Variants in CFAP47 observed in about 807,000 individuals in gnomAD.
The protein encoded by CFAP47 is cilia- and flagella-associated protein 47.
In CFAP47, 29 loss-of-function variants were observed where a neutral mutation model predicts 148.1. The observed-to-expected ratio is 0.20, with a 90% CI of 0.15 to 0.27. The LOEUF (loss-of-function observed/expected upper bound fraction) is 0.27, where lower values mean the gene tolerates loss of function less well. Ranked by LOEUF, CFAP47 falls within the 10% of genes least tolerant of loss-of-function variation. The pLI is 1.00. For synonymous variants in CFAP47, 664 were observed against 577.3 expected (o/e 1.15, Z -2.15); for missense variants, 1,872 against 1,697.5 (o/e 1.10, Z -1.81).
chrX:36,002,377 A>G (rs760727037), intron 21 of CFAP47, among the ~76,000 whole-genome samples: 19 of 111,134 alleles, frequency 1.7e-4, no homozygotes, highest in African/African-American at 5.9e-4. Context: ...ACCTGAGGTC[A>G]GGAGTTTGAG....
At chrX:36,312,905 T>G (rs1221330665) in intron 56 of CFAP47, among the ~76,000 whole-genome samples, 1 of 111,248 alleles carries the variant, frequency 9.0e-6, no homozygotes, top group Non-Finnish European at 1.9e-5. Flanking sequence ...TTGTTTCTCT[T>G]TCTCTGTCTC....
rs186552024 is a variant in CFAP47 at position 36,311,872 on chromosome X, C to T, written c.8344+883C>T. 7.2e-5 allele frequency among the ~76,000 whole-genome samples: 8 copies of T among 110,756 alleles called. No individual in the cohort carries two copies. The East Asian group carries it at 1.7e-3, about 23-fold the overall frequency. The stretch of plus-strand genomic sequence containing the variant: ...ATGTTGAAGCTGAACATGTCATTTA[C>T]CTGTTGCACTTTGGTGCTTTTCTAT... On this transcript the variant is annotated intron_variant, in intron 56 of 63. Coordinates refer to ENST00000378653, the MANE Select transcript of CFAP47 (RefSeq NM_001304548.2).
intron 15 of CFAP47, chrX:35,985,854 G>A (rs758499128): frequency 4.0e-6 from 1 of 252,194 alleles, no homozygotes; most frequent in South Asian, 4.5e-5. Flanking sequence ...AAACCCTCGG[G>A]GCTCTACACA....
At chrX:36,365,515 G>A (rs1602128577) in intron 61 of CFAP47, 2 of 110,341 alleles carry the variant, frequency 1.8e-5, no homozygotes, top group South Asian at 3.9e-4. Flanking sequence ...GGGGTACATG[G>A]GCAGGTTTGT....
At position 36,367,195 on chromosome X, in the gene CFAP47, A is replaced by G. The variant is rs961970036; in HGVS notation, c.9185+68A>G. Reference sequence around the variant, plus strand: ...GCTGAACTTTGGAATGAAATTTAAGATGGAAAATTCTATAGTTCATCTTTT... The same window carrying G: ...GCTGAACTTTGGAATGAAATTTAAGGTGGAAAATTCTATAGTTCATCTTTT... On this transcript the variant is annotated intron_variant, in intron 62 of 63. Coordinates refer to ENST00000378653, the MANE Select transcript of CFAP47 (RefSeq NM_001304548.2). The G allele has an allele frequency of 1.6e-5, 13 of 803,389 alleles. No homozygotes were observed. In the African/African-American group the frequency reaches 2.5e-4, roughly 16 times the overall value. 66.2% of individuals were successfully genotyped at this position (803,389 alleles called of 1,213,427 possible).
chrX:36,168,205 A>G (rs753362443), intron 39 of CFAP47, among the ~76,000 whole-genome samples: 1 of 111,532 alleles, frequency 9.0e-6, no homozygotes, highest in Non-Finnish European at 1.9e-5. Flanking sequence ...AGTAGATTTT[A>G]TATGTCACTT....
chrX:36,024,384 T>C (rs1937192623), intron 22 of CFAP47, among the ~76,000 whole-genome samples: 1 of 111,505 alleles, frequency 9.0e-6, no homozygotes, highest in Non-Finnish European at 1.9e-5. Flanking sequence ...TCTTTGCAGC[T>C]GTGTGCTCTG....
chrX:36,204,580 A>G (rs1940019784), intron 44 of CFAP47, among the ~76,000 whole-genome samples: 1 of 111,817 alleles, frequency 8.9e-6, no homozygotes. Context: ...AAGTATAATA[A>G]TAAAAACAAA....
At chrX:36,384,715 T>A (rs1556024804) in intron 63 of CFAP47, 82 bp from the exon 64 acceptor site, 1 of 660,541 alleles carries the variant, frequency 1.5e-6, no homozygotes, top group East Asian at 3.5e-5. Context: ...GAACAGAAGA[T>A]GTTAATTATA....
chrX:36,157,793 A>C (rs1388638149), intron 37 of CFAP47, among the ~76,000 whole-genome samples: 1 of 111,356 alleles, frequency 9.0e-6, no homozygotes, highest in African/African-American at 3.3e-5. Flanking sequence ...AAATGATCTT[A>C]TATAGTGATG....
rs1343323515 is a variant in CFAP47, at chrX:36,246,312, G to A, written c.7333-5021G>A. Among the ~76,000 whole-genome samples, 5 of 111,790 alleles carry A rather than the reference G, an allele frequency of 4.5e-5. No individual in the cohort carries two copies. In the East Asian group the frequency reaches 1.1e-3, roughly 25 times the overall value. Reference sequence around the variant, plus strand: ...ATGTCCAACAAACATATGAAAAAATGCTCATCATCACTAATCATCAGAGAA... The same window carrying A: ...ATGTCCAACAAACATATGAAAAAATACTCATCATCACTAATCATCAGAGAA... On this transcript the variant is annotated intron_variant, in intron 48 of 63. Transcript: ENST00000378653.
chrX:36,310,971 A>G lies in CFAP47; in HGVS notation c.8326A>G (p.Ile2776Val), dbSNP rs1556009863. Residue 2776 changes from isoleucine (I) to valine (V), a missense_variant, in exon 56 of 64, where the codon ATT becomes GTT. Physicochemically the swap from Ile to Val is conservative, Grantham distance 29 (BLOSUM62 3). Coordinates refer to ENST00000378653, the MANE Select transcript of CFAP47 (RefSeq NM_001304548.2). ...FKNPTMEDVLIDIILTSVEHP... is the reference protein window; with the variant it reads ...FKNPTMEDVLVDIILTSVEHP... ...AAATCCCACAATGGAAGATGTCCTC[A>G]TTGATATAATACTGACAAGTAAGTT... 14 of 1,121,609 alleles carry G rather than the reference A, an allele frequency of 1.2e-5. No homozygotes were observed. The highest frequency in any genetic ancestry group is 6.3e-5 in the South Asian group (3 of 47,638). 92.4% of individuals were successfully genotyped at this position (1,121,609 alleles called of 1,213,427 possible).
At chrX:36,051,239 C>T (rs1386998750) in intron 26 of CFAP47, among the ~76,000 whole-genome samples, 1 of 111,340 alleles carries the variant, frequency 9.0e-6, no homozygotes, top group East Asian at 2.8e-4. Context: ...CCACCATCCT[C>T]CAGACCCCAG....
intron 49 of CFAP47, among the ~76,000 whole-genome samples, chrX:36,275,628 A>T (rs184836548): frequency 3.9e-4 from 43 of 110,991 alleles, no homozygotes; most frequent in Non-Finnish European, 5.7e-4. Context: ...ATGAATGTTC[A>T]CAAGAGATAC....
At chrX:36,111,293 T>A (rs1938551221) in intron 33 of CFAP47, among the ~76,000 whole-genome samples, 1 of 111,836 alleles carries the variant, frequency 8.9e-6, no homozygotes, top group Non-Finnish European at 1.9e-5. Flanking sequence ...CCCAGTTTAT[T>A]GAGAGTTTTT....
intron 50 of CFAP47, among the ~76,000 whole-genome samples, chrX:36,284,902 C>T (rs1556004239): frequency 9.0e-6 from 1 of 111,145 alleles, no homozygotes; most frequent in Non-Finnish European, 1.9e-5. Flanking sequence ...AAATGGGAAG[C>T]TGAACAGAGA....
intron 26 of CFAP47, among the ~76,000 whole-genome samples, chrX:36,057,876 G>T (rs1937566933): frequency 9.0e-6 from 1 of 111,516 alleles, no homozygotes; most frequent in East Asian, 2.8e-4. Context: ...AGCTTTTGTA[G>T]CCAGAACATG....
chrX:36,375,217 G>GGGAGGGGA (rs1942011109), intron 62 of CFAP47: 1 of 247,074 alleles, frequency 4.0e-6, no homozygotes, highest in Non-Finnish European at 7.5e-6. Context: ...GAAAGAGAAT[G>GGGAGGGGA]GGAGGGGAGA....
In CFAP47 at chrX:35,924,441, ACACCTATATGTGTATATAGGTG is replaced by A. The variant is rs1244481360; in HGVS notation, c.250-1557_250-1536del. On this transcript the variant is annotated intron_variant, in intron 1 of 63. Transcript: ENST00000378653. Reference sequence around the variant, plus strand: ...TATGCACACATATGTGTATATATGTACACCTATATGTGTATATAGGTGCACCTATATGTGTATATATGTGCAC... The same window carrying A: ...TATGCACACATATGTGTATATATGTACACCTATATGTGTATATATGTGCAC... 4.8e-4 allele frequency among the ~76,000 whole-genome samples: 51 copies of A among 106,009 alleles called. 3 individuals carry two copies. The highest frequency in any genetic ancestry group is 1.2e-3 in the East Asian group (4 of 3,202). 92.1% of individuals were successfully genotyped at this position (106,009 alleles called of 115,157 possible).
Sources: gnomAD v4.1 joint callset for allele counts (sites outside exome capture counted in the v4.1 genomes callset) on GRCh38, gnomAD v4.1.1 for gene constraint, MANE v1.5 for transcripts, NCBI Gene and HGNC (gene_info 2026-07-23, HGNC 2026-07-21) for gene names.